KAZN: variants seen among roughly 807,000 people sequenced by gnomAD.
KAZN encodes the protein kazrin, periplakin interacting protein.
A neutral mutation model predicts 87.4 loss-of-function variants in KAZN; 40 were observed. The ratio of observed to expected loss-of-function variants is 0.46; its 90% CI spans 0.36 to 0.60. KAZN has a LOEUF of 0.60. KAZN is among the 20% of genes least tolerant of loss of function. The pLI, the probability that KAZN is intolerant of heterozygous loss-of-function variation, is 0.00. For synonymous variants in KAZN, 466 were observed against 458.3 expected, an observed-to-expected ratio of 1.02 and a Z score of -0.22; for missense variants, 898 against 1,073.9, an observed-to-expected ratio of 0.84 and a Z score of 2.29.
chr1:14,495,325 A>T (rs765263805), intron 2 of KAZN, among the ~76,000 whole-genome samples: 1 of 152,132 alleles, frequency 6.6e-6, no homozygotes, highest in Non-Finnish European at 1.5e-5. Context: ...GCTCAATCAG[A>T]CCTTCCTTTC....
chr1:14,004,947 G>A (rs1237556459), intron 1 of KAZN, among the ~76,000 whole-genome samples: 2 of 151,424 alleles, frequency 1.3e-5, no homozygotes, highest in Non-Finnish European at 2.9e-5. Flanking sequence ...CTCGCCACCC[G>A]ATGCCCTGTG....
intron 2 of KAZN, among the ~76,000 whole-genome samples, chr1:14,989,627 G>A (rs948018323): frequency 1.3e-5 from 2 of 152,332 alleles, no homozygotes; most frequent in Admixed American, 1.3e-4. Context: ...AGGACCTTGG[G>A]CCAGCTACTC....
Position 14,405,795 on chromosome 1 carries a change from A to G in KAZN, c.250-193188A>G, listed in dbSNP as rs142945888. On this transcript the variant is annotated intron_variant, in intron 2 of 16. Transcript: ENST00000636203. ...TTCCAGTTCAAAGACCAGCCAGCTCAAGACCCAGGAAGGGCTGATGTTTCG... is the reference window on the plus strand; with the variant it reads ...TTCCAGTTCAAAGACCAGCCAGCTCGAGACCCAGGAAGGGCTGATGTTTCG... Among the ~76,000 whole-genome samples the G allele has an allele frequency of 3.5e-4, 54 of 152,186 alleles. No individual in the cohort carries two copies. The East Asian group carries it at 0.01, about 29-fold the overall frequency.
chr1:14,222,821 T>C (rs1647135468), intron 2 of KAZN, among the ~76,000 whole-genome samples: 1 of 152,186 alleles, frequency 6.6e-6, no homozygotes, highest in Non-Finnish European at 1.5e-5. Flanking sequence ...TCCCAGTATT[T>C]TGAATCTGCA....
intron 1 of KAZN, among the ~76,000 whole-genome samples, chr1:14,134,919 A>AT (rs1645071443): frequency 6.6e-6 from 1 of 151,822 alleles, no homozygotes; most frequent in South Asian, 2.1e-4. Flanking sequence ...TTTCCAACAA[A>AT]TTGTCCTTGG....
chr1:14,435,820 C>G (rs60109204), intron 2 of KAZN, among the ~76,000 whole-genome samples: 4,518 of 151,660 alleles, frequency 0.03, 94 homozygotes, highest in African/African-American at 0.054. Flanking sequence ...GTGACAGGGC[C>G]TAATGATATC....
At chr1:14,383,348 T>G (rs539659081) in intron 2 of KAZN, among the ~76,000 whole-genome samples, 2 of 151,900 alleles carry the variant, frequency 1.3e-5, no homozygotes, top group Non-Finnish European at 2.9e-5. Context: ...TTTTGTCTTT[T>G]GTTGCCATTG....
At position 15,010,005 on chromosome 1, in the gene KAZN, T is replaced by TC. The variant is rs374069561; in HGVS notation, c.419-24744_419-24743insC. Among the ~76,000 whole-genome samples the TC allele has an allele frequency of 4.1e-4, 63 of 152,340 alleles. No individual in the cohort carries two copies. In the East Asian group the frequency reaches 0.01, roughly 25 times the overall value. ...TGATCAGATACTGTTATTACTCAAA[T>TC]TTCCTATTGACTCATAAATTCTGTA... On this transcript the variant is annotated intron_variant, in intron 2 of 14. Coordinates refer to ENST00000376030, the MANE Select transcript of KAZN (RefSeq NM_201628.3).
At chr1:14,527,734 G>A (rs917286754) in intron 2 of KAZN, among the ~76,000 whole-genome samples, 2 of 152,014 alleles carry the variant, frequency 1.3e-5, no homozygotes, top group African/African-American at 2.4e-5. Context: ...AAGAAGGCAG[G>A]GAGGTTCCAG....
At chr1:14,517,923 C>A (rs1671382237) in intron 2 of KAZN, among the ~76,000 whole-genome samples, 1 of 152,114 alleles carries the variant, frequency 6.6e-6, no homozygotes, top group African/African-American at 2.4e-5. Flanking sequence ...CCCCTGGGAA[C>A]AATGAGAAGG....
intron 11 of KAZN, among the ~76,000 whole-genome samples, chr1:15,102,425 C>T (rs1048772612): frequency 1.3e-5 from 2 of 152,046 alleles, no homozygotes; most frequent in East Asian, 3.9e-4. Flanking sequence ...GACTGATCCA[C>T]GGCAGCAGAG....
At position 15,094,364 on chromosome 1, in the gene KAZN, G is replaced by T. The variant is rs573589914; in HGVS notation, c.1407G>T (p.Thr469=). The change falls in exon 9 of 15, where the codon ACG becomes ACT. Residue 469 remains threonine (T), a synonymous_variant. Coordinates refer to ENST00000376030, the MANE Select transcript of KAZN (RefSeq NM_201628.3). The surrounding 1 kb of genome is among the most constrained non-coding windows in gnomAD (Gnocchi z 4.5). ...MAMPMYVKAC[T]ENVKSGKVLL... is the part of the protein sequence containing the mutation. ...TGCCTATGTACGTCAAGGCCTGCAC[G>T]GAGAACGTGAAGAGCGGGAAGGTAG... 3 of 1,613,082 alleles carry T rather than the reference G, an allele frequency of 1.9e-6. No homozygotes were observed. The Admixed American group carries it at 5.0e-5, about 27-fold the overall frequency.
chr1:14,298,065 A>G (rs1257102444), intron 2 of KAZN, among the ~76,000 whole-genome samples: 1 of 152,154 alleles, frequency 6.6e-6, no homozygotes, highest in Non-Finnish European at 1.5e-5. Flanking sequence ...TCTCTACAAA[A>G]AATACAAAAA....
At position 15,077,750 on chromosome 1, in the gene KAZN, TCAG is replaced by T. The variant is rs946910379; in HGVS notation, c.1222+12000_1222+12002del. ...GAAATCCCAGGAGGCTGCGCAGTTA[TCAG>T]CATGAAAAGCAGCTGCAGGCCTCCC... On this transcript the variant is annotated intron_variant, in intron 8 of 14. Transcript: ENST00000376030. The surrounding 1 kb of genome is among the most constrained non-coding windows in gnomAD (Gnocchi z 4.8). Among the ~76,000 whole-genome samples the T allele has an allele frequency of 6.6e-6, 1 of 152,158 alleles. No homozygotes were observed. The highest frequency in any genetic ancestry group is 2.4e-5 in the African/African-American group (1 of 41,422).
chr1:14,487,150 C>T (rs1195664106), intron 2 of KAZN, among the ~76,000 whole-genome samples: 1 of 152,148 alleles, frequency 6.6e-6, no homozygotes, highest in Non-Finnish European at 1.5e-5. Context: ...TAGTTGAAAG[C>T]TCTTGGTCCA....
At position 14,560,989 on chromosome 1, in the gene KAZN, C is replaced by T. The variant is rs536942271; in HGVS notation, c.250-37994C>T. On this transcript the variant is annotated intron_variant, in intron 2 of 16. Coordinates refer to the KAZN transcript ENST00000636203. The stretch of plus-strand genomic sequence containing the variant: ...AAGAGAAGTGTGTGGCTGTCTGTGC[C>T]AGGGTCCCACCATTAACACAAGCCC... 3.3e-5 allele frequency among the ~76,000 whole-genome samples: 5 copies of T among 152,274 alleles called. No individual in the cohort carries two copies. In the South Asian group the frequency reaches 1.0e-3, roughly 32 times the overall value.
chr1:14,730,049 C>A (rs187787928), intron 1 of KAZN, among the ~76,000 whole-genome samples: 3 of 152,252 alleles, frequency 2.0e-5, no homozygotes, highest in South Asian at 4.2e-4. Flanking sequence ...TCATCCAGCC[C>A]TTTACAGAAA....
At chr1:15,039,663 G>GT (rs1167080971) in intron 3 of KAZN, among the ~76,000 whole-genome samples, 3 of 152,222 alleles carry the variant, frequency 2.0e-5, no homozygotes, top group Admixed American at 1.3e-4. Flanking sequence ...GGAATGTATA[G>GT]TTATCAGATC....
At chr1:14,230,206 C>A (rs1187042965) in intron 2 of KAZN, among the ~76,000 whole-genome samples, 1 of 152,168 alleles carries the variant, frequency 6.6e-6, no homozygotes, top group Non-Finnish European at 1.5e-5. Flanking sequence ...CAAAACAAAA[C>A]ACAACAAGAC....
Sources: gnomAD v4.1 joint callset for allele counts (sites outside exome capture counted in the v4.1 genomes callset) on GRCh38, gnomAD v4.1.1 for gene constraint, Gnocchi (gnomAD v3.1) non-coding constraint, MANE v1.5 for transcripts, NCBI Gene and HGNC (gene_info 2026-07-23, HGNC 2026-07-21) for gene names.